Variants in GTF2A1L observed in about 807,000 individuals in gnomAD.
GTF2A1L encodes TFIIA-alpha and beta-like factor.
A neutral mutation model predicts 49.7 loss-of-function variants in GTF2A1L; 48 were observed. That is an observed-to-expected ratio of 0.97 (90% CI 0.77 to 1.23). GTF2A1L has a LOEUF of 1.23. Among genes scored for constraint, GTF2A1L ranks in the 50% most tolerant of loss-of-function variants. The probability of loss-of-function intolerance (pLI) is 0.00; values close to 1 mark genes in which losing one functional copy is unlikely to be tolerated. For missense variants in GTF2A1L, 736 were observed against 564.8 expected, an observed-to-expected ratio of 1.30 and a Z score of -3.07; for synonymous variants, 246 against 193.5, an observed-to-expected ratio of 1.27 and a Z score of -2.25.
At position 48,627,657 on chromosome 2, in the gene GTF2A1L, G is replaced by A. The variant is rs1427551935; in HGVS notation, c.247+6367G>A. On this transcript the variant is annotated intron_variant, in intron 3 of 8. Transcript: ENST00000403751. ...CAGATACCCAGTTTGAATAACTATAGTTGCTGTCAGATATTCTTTCAAGTA... is the reference window on the plus strand; with the variant it reads ...CAGATACCCAGTTTGAATAACTATAATTGCTGTCAGATATTCTTTCAAGTA... Among the ~76,000 whole-genome samples, 2 of 144,012 alleles carry A rather than the reference G, an allele frequency of 1.4e-5. 1 individual carries two copies. Among genetic ancestry groups the A allele is most frequent in the Middle Eastern group, 6.5e-3 (2 of 306 alleles). 94.5% of individuals were successfully genotyped at this position (144,012 alleles called of 152,430 possible).
chr2:48,643,995 G>A (rs558548379), intron 4 of GTF2A1L, among the ~76,000 whole-genome samples: 18 of 151,952 alleles, frequency 1.2e-4, no homozygotes, highest in Non-Finnish European at 2.2e-4. Context: ...CACCGTGCCC[G>A]GCCTGTACAA....
chr2:48,664,990 C>T (rs561787227), intron 6 of GTF2A1L, among the ~76,000 whole-genome samples: 9 of 152,082 alleles, frequency 5.9e-5, no homozygotes, highest in African/African-American at 1.9e-4. Context: ...GGTATGATCT[C>T]GGCTCACTGC....
chr2:48,644,842 C>G (rs1052514195), intron 4 of GTF2A1L, among the ~76,000 whole-genome samples, 191 bp from the exon 5 acceptor site: 1 of 152,144 alleles, frequency 6.6e-6, no homozygotes, highest in Non-Finnish European at 1.5e-5. Flanking sequence ...GAATAGGATT[C>G]CTCTTGATCC....
At chr2:48,641,033 T>C (rs1158863989) in intron 3 of GTF2A1L, among the ~76,000 whole-genome samples, 1 of 152,180 alleles carries the variant, frequency 6.6e-6, no homozygotes, top group Non-Finnish European at 1.5e-5. Flanking sequence ...TATTTAAATA[T>C]AGAGAATTAT....
chr2:48,618,573 A>T (rs1438747649), intron 1 of GTF2A1L, among the ~76,000 whole-genome samples: 1 of 152,228 alleles, frequency 6.6e-6, no homozygotes. Flanking sequence ...GTGCCTGTCC[A>T]GATCTGTGTA....
intron 3 of GTF2A1L, among the ~76,000 whole-genome samples, chr2:48,641,402 T>G (rs1677190022): frequency 6.6e-6 from 1 of 152,208 alleles, no homozygotes; most frequent in Non-Finnish European, 1.5e-5. Context: ...TGTTTGCTTT[T>G]ATGAGTTGTT....
intron 3 of GTF2A1L, among the ~76,000 whole-genome samples, chr2:48,627,118 T>C (rs2104089808): frequency 6.9e-6 from 1 of 144,134 alleles, no homozygotes; most frequent in East Asian, 1.9e-4. Context: ...TTTATATCTG[T>C]TCCTAAATTC....
intron 6 of GTF2A1L, among the ~76,000 whole-genome samples, chr2:48,660,262 G>A (rs976411145): frequency 6.6e-6 from 1 of 152,096 alleles, no homozygotes; most frequent in African/African-American, 2.4e-5. Flanking sequence ...TTTTGTCTTT[G>A]TCTTTGGTAT....
In GTF2A1L at chr2:48,671,652, A is replaced by G; in HGVS notation, c.1301A>G (p.Asp434Gly). The change falls in exon 8 of 9, where the codon GAT becomes GGT. Residue 434 changes from aspartate (D) to glycine (G), a missense_variant. Transcript: ENST00000403751. Reference sequence around the variant, plus strand: ...GATGTGCCAGACCTGTTTGACACGGATAATGTTATTGTCTGTCAGTATGAT... The same window carrying G: ...GATGTGCCAGACCTGTTTGACACGGGTAATGTTATTGTCTGTCAGTATGAT... ...EQDVPDLFDTDNVIVCQYDKI... is the reference protein window; with the variant it reads ...EQDVPDLFDTGNVIVCQYDKI... The G allele has an allele frequency of 6.2e-7, 1 of 1,613,696 alleles. No individual in the cohort carries two copies.
At chr2:48,669,640 T>A in intron 6 of GTF2A1L, 82 bp from the exon 7 acceptor site, 8 of 1,489,168 alleles carry the variant, frequency 5.4e-6, no homozygotes, top group Non-Finnish European at 7.2e-6. Flanking sequence ...ATTTGTGGAA[T>A]GTTTGTTAAT....
At chr2:48,645,825 T>G (rs979259445) in intron 5 of GTF2A1L, among the ~76,000 whole-genome samples, 1 of 152,120 alleles carries the variant, frequency 6.6e-6, no homozygotes, top group African/African-American at 2.4e-5. Context: ...ATTTTTTGTA[T>G]TTTTAGTAGA....
chr2:48,623,651 A>G (rs956185369), intron 3 of GTF2A1L, among the ~76,000 whole-genome samples: 1 of 152,216 alleles, frequency 6.6e-6, no homozygotes, highest in Non-Finnish European at 1.5e-5. Flanking sequence ...TAGCAAAGAC[A>G]TGGAATCAAC....
At chr2:48,632,162 G>T (rs1676616295) in intron 3 of GTF2A1L, 1 of 152,098 alleles carries the variant, frequency 6.6e-6, no homozygotes, top group South Asian at 2.1e-4. Flanking sequence ...ACTCAACTGA[G>T]AATTAAAACT....
At chr2:48,657,934 C>T (rs529444749) in intron 6 of GTF2A1L, among the ~76,000 whole-genome samples, 30 of 152,136 alleles carry the variant, frequency 2.0e-4, no homozygotes, top group South Asian at 4.2e-4. Context: ...TATCATTTGC[C>T]TACTTTTTAA....
At position 48,646,782 on chromosome 2, in the gene GTF2A1L, C is replaced by T. The variant is rs377238403; in HGVS notation, c.718C>T (p.His240Tyr). The change falls in exon 6 of 9, where the codon CAC becomes TAC. Residue 240 changes from histidine (H) to tyrosine (Y), a missense_variant. By Grantham distance (83) the His-to-Tyr change is moderately conservative (BLOSUM62 2). Transcript: ENST00000403751. ...EALLCHQESS[H>Y]YISLPGVVFS... is the part of the protein sequence containing the mutation. ...TTTGTTGTGTCATCAGGAAAGTTCT[C>T]ACTATATCAGTCTTCCAGGTGTTGT... 7 of 1,614,164 alleles carry T rather than the reference C, an allele frequency of 4.3e-6. No individual in the cohort carries two copies. Among genetic ancestry groups the T allele is most frequent in the Non-Finnish European group, 5.9e-6 (7 of 1,180,036 alleles).
At chr2:48,636,703 CTGT>C (rs1461331582) in intron 3 of GTF2A1L, among the ~76,000 whole-genome samples, 1 of 152,142 alleles carries the variant, frequency 6.6e-6, no homozygotes, top group Non-Finnish European at 1.5e-5. Context: ...ACTCCGAGAA[CTGT>C]TGTTCTGCAT....
At chr2:48,655,685 T>A (rs1483916000) in intron 6 of GTF2A1L, among the ~76,000 whole-genome samples, 1 of 152,218 alleles carries the variant, frequency 6.6e-6, no homozygotes, top group East Asian at 1.9e-4. Flanking sequence ...AAAGTACACA[T>A]AAAATTAACT....
intron 1 of GTF2A1L, 123 bp downstream of exon 1, chr2:48,618,018 C>A: frequency 1.0e-6 from 1 of 996,510 alleles, no homozygotes; most frequent in Non-Finnish European, 1.5e-6. Flanking sequence ...CCTCTCTCTT[C>A]CTTAGGGGCT....
chr2:48,676,994 T>C (rs1679502971), intron 8 of GTF2A1L, among the ~76,000 whole-genome samples: 2 of 152,012 alleles, frequency 1.3e-5, no homozygotes, highest in South Asian at 4.1e-4. Context: ...GTCCCTAATG[T>C]TAAGACATGA....
Sources: gnomAD v4.1 joint callset for allele counts (sites outside exome capture counted in the v4.1 genomes callset) on GRCh38, gnomAD v4.1.1 for gene constraint, MANE v1.5 for transcripts, NCBI Gene and HGNC (gene_info 2026-07-23, HGNC 2026-07-21) for gene names.